Variants in DNM1 observed in about 807,000 individuals in gnomAD.
DNM1 encodes the protein dynamin-1.
DNM1 carries 29 observed loss-of-function variants against 104.6 expected under a neutral mutation model. The observed-to-expected ratio is 0.28, with a 90% CI of 0.21 to 0.38. The LOEUF is 0.38. Among genes scored for constraint, DNM1 ranks in the 10% least tolerant of loss-of-function variants. The probability of loss-of-function intolerance (pLI) is 1.00; values close to 1 mark genes in which losing one functional copy is unlikely to be tolerated. For synonymous variants in DNM1, 445 were observed against 475.8 expected, an observed-to-expected ratio of 0.94 and a Z score of 0.84; for missense variants, 640 against 1,189.4, an observed-to-expected ratio of 0.54 and a Z score of 6.79.
At chr9:128,239,884 G>T in intron 13 of DNM1, 101 bp from the exon 14 acceptor site, 1 of 1,575,110 alleles carries the variant, frequency 6.3e-7, no homozygotes, top group South Asian at 1.1e-5. Flanking sequence ...GGGGGCCAGG[G>T]ACCTGTCAGC....
At chr9:128,209,748 G>C (rs1315900467) in intron 1 of DNM1, among the ~76,000 whole-genome samples, 1 of 152,196 alleles carries the variant, frequency 6.6e-6, no homozygotes, top group Non-Finnish European at 1.5e-5. Flanking sequence ...CTCCAGAAAG[G>C]ACCCACCTTG....
At position 128,239,789 on chromosome 9, in the gene DNM1, G is replaced by C; in HGVS notation, c.1545+10G>C. On this transcript the variant is annotated intron_variant, in intron 13 of 21. Coordinates refer to ENST00000372923, the MANE Select transcript of DNM1 (RefSeq NM_004408.4). The stretch of plus-strand genomic sequence containing the variant: ...GACTTCAGGGAACCAGGTGAGTGGG[G>C]CCCAGCACCCCAGCCCGAGGGATGG... The C allele has an allele frequency of 6.2e-7, 1 of 1,612,878 alleles. No individual in the cohort carries two copies. The highest frequency in any genetic ancestry group is 8.5e-7 in the Non-Finnish European group (1 of 1,179,160).
At chr9:128,226,023 C>A (rs377716564) in intron 10 of DNM1, 1 of 1,611,854 alleles carries the variant, frequency 6.2e-7, no homozygotes, top group South Asian at 1.1e-5. Flanking sequence ...CCCACCTCCT[C>A]CCCGGGTGCA....
At position 128,251,013 on chromosome 9, in the gene DNM1, C is replaced by T. The variant is rs537420232; in HGVS notation, c.2534+73C>T. ...CCGGGAGGGAAATGGGGCTGGATTCCAGAGCATCGGACCTGGCCGCCAGAA... is the reference window on the plus strand; with the variant it reads ...CCGGGAGGGAAATGGGGCTGGATTCTAGAGCATCGGACCTGGCCGCCAGAA... On this transcript the variant is annotated intron_variant, in intron 21 of 21. Transcript: ENST00000372923. The T allele has an allele frequency of 6.9e-5, 69 of 992,880 alleles. No homozygotes were observed. In the East Asian group the frequency reaches 1.7e-3, roughly 25 times the overall value. 61.5% of individuals were successfully genotyped at this position (992,880 alleles called of 1,614,324 possible). A position where few individuals can be genotyped will look rare whatever the true frequency, so the allele number is the denominator to read the frequency against.
In DNM1 at chr9:128,248,404, T is replaced by A. The variant is rs1836958877; in HGVS notation, c.1906-179T>A. On this transcript the variant is annotated intron_variant, in intron 18 of 21. Coordinates refer to ENST00000372923, the MANE Select transcript of DNM1 (RefSeq NM_004408.4). This position sits in a 1 kb window ranked among gnomAD's most constrained non-coding sequence, Gnocchi z 5.6. ...GAGTCAGAACCAAGACAAGGCTGAATCAGGGGAGTCTAGGGTCCTGAGAGG... is the reference window on the plus strand; with the variant it reads ...GAGTCAGAACCAAGACAAGGCTGAAACAGGGGAGTCTAGGGTCCTGAGAGG... The A allele has an allele frequency of 3.2e-6, 2 of 624,836 alleles. No individual in the cohort carries two copies. The highest frequency in any genetic ancestry group is 5.6e-5 in the East Asian group (2 of 35,754). The allele number at this position is 624,836 out of a possible 1,614,324, so 38.7% of individuals were successfully genotyped here.
chr9:128,240,898 G>A lies in DNM1; in HGVS notation c.1557+902G>A, dbSNP rs1836323357. Reference sequence around the variant, plus strand: ...TTAGGATGAGCAGAGAGGAGTTCAGGGCTGGGTGTGGCCAAGGGGGAGGAC... The same window carrying A: ...TTAGGATGAGCAGAGAGGAGTTCAGAGCTGGGTGTGGCCAAGGGGGAGGAC... On this transcript the variant is annotated intron_variant, in intron 14 of 21. Coordinates refer to ENST00000372923, the MANE Select transcript of DNM1 (RefSeq NM_004408.4). The surrounding 1 kb of genome is among the most constrained non-coding windows in gnomAD (Gnocchi z 5.1). The A allele has an allele frequency of 6.5e-6, 1 of 152,896 alleles. No individual in the cohort carries two copies. The allele number at this position is 152,896 out of a possible 1,614,324, so 9.5% of individuals were successfully genotyped here.
chr9:128,235,322 C>T (rs906928794), intron 11 of DNM1, among the ~76,000 whole-genome samples: 22 of 152,040 alleles, frequency 1.4e-4, no homozygotes, highest in Non-Finnish European at 2.1e-4. Context: ...GGTGAAACCC[C>T]GTCTCTACTA....
Position 128,218,641 on chromosome 9 carries a change from C to T in DNM1, c.295C>T (p.Leu99Phe). The T allele has an allele frequency of 6.2e-7, 1 of 1,613,782 alleles. No homozygotes were observed. Among genetic ancestry groups the T allele is most frequent in the Non-Finnish European group, 8.5e-7 (1 of 1,179,786 alleles). The change falls in exon 3 of 22, where the codon CTT (leucine) becomes TTT (phenylalanine). Residue 99 changes from leucine (L) to phenylalanine (F), a missense_variant. Physicochemically the swap from Leu to Phe is conservative, Grantham distance 22. Coordinates refer to ENST00000372923, the MANE Select transcript of DNM1 (RefSeq NM_004408.4). This position sits in a 1 kb window ranked among gnomAD's most constrained non-coding sequence, Gnocchi z 4.8. Reference sequence around the variant, plus strand: ...ATTCACCGACTTCGAGGAGGTGCGCCTTGAGATCGAGGCCGAGACCGACAG... The same window carrying T: ...ATTCACCGACTTCGAGGAGGTGCGCTTTGAGATCGAGGCCGAGACCGACAG... The part of the protein sequence containing the change: ...KKFTDFEEVR[L>F]EIEAETDRVT...
At chr9:128,212,284 G>A (rs907833139) in intron 1 of DNM1, among the ~76,000 whole-genome samples, 1 of 152,198 alleles carries the variant, frequency 6.6e-6, no homozygotes, top group South Asian at 2.1e-4. Flanking sequence ...CTGAGTTGGG[G>A]TTCCTTCTCA....
Position 128,240,118 on chromosome 9 carries a change from C to T in DNM1, c.1557+122C>T, listed in dbSNP as rs926947404. On this transcript the variant is annotated intron_variant, in intron 14 of 21. Coordinates refer to ENST00000372923, the MANE Select transcript of DNM1 (RefSeq NM_004408.4). This position sits in a 1 kb window ranked among gnomAD's most constrained non-coding sequence, Gnocchi z 5.1. ...CTGAAGCTGCTTGTACACACCAGCC[C>T]CTGGCATTTCACACCTGCCCTCAGG... 1.7e-5 allele frequency: 20 copies of T among 1,171,174 alleles called. No homozygotes were observed. The highest frequency in any genetic ancestry group is 2.4e-5 in the Non-Finnish European group (19 of 785,082). 72.5% of individuals were successfully genotyped at this position (1,171,174 alleles called of 1,614,324 possible).
intron 11 of DNM1, among the ~76,000 whole-genome samples, chr9:128,234,528 C>A (rs1313268324): frequency 6.6e-6 from 1 of 152,076 alleles, no homozygotes; most frequent in Non-Finnish European, 1.5e-5. Context: ...CGTGCGCCAC[C>A]ATGCCCGGGT....
chr9:128,215,365 T>G (rs142057631), intron 1 of DNM1, among the ~76,000 whole-genome samples: 2 of 152,364 alleles, frequency 1.3e-5, no homozygotes, highest in Non-Finnish European at 2.9e-5. Flanking sequence ...TAGCCCAGCA[T>G]GCCTGAGGAG....
In DNM1 at chr9:128,239,407, T is replaced by C. The variant is rs370264897; in HGVS notation, c.1423-38T>C. On this transcript the variant is annotated intron_variant, in intron 11 of 21. Transcript: ENST00000372923. ...CCCTGCATTTTAAAACTTTGTGGTG[T>C]CTTTTGCGCTTGCCCACCAACCTAT... The C allele has an allele frequency of 6.8e-5, 106 of 1,560,922 alleles. No homozygotes were observed. The African/African-American group carries it at 1.4e-3, about 21-fold the overall frequency.
Sources: gnomAD v4.1 joint callset for allele counts (sites outside exome capture counted in the v4.1 genomes callset) on GRCh38, gnomAD v4.1.1 for gene constraint, Gnocchi (gnomAD v3.1) non-coding constraint, MANE v1.5 for transcripts, NCBI Gene and HGNC (gene_info 2026-07-23, HGNC 2026-07-21) for gene names.